MPND: variants seen among roughly 807,000 people sequenced by gnomAD.
MPND encodes MPN domain-containing protein.
In MPND, 56 loss-of-function variants were observed where a neutral mutation model predicts 59.2. The observed-to-expected ratio is 0.95, with a 90% CI of 0.76 to 1.18. The LOEUF (loss-of-function observed/expected upper bound fraction) is 1.18. Among genes scored for constraint, MPND ranks in the 50% most tolerant of loss-of-function variants. The pLI, the probability that MPND is intolerant of heterozygous loss-of-function variation, is 0.00. For synonymous variants in MPND, 323 were observed against 291.9 expected, an observed-to-expected ratio of 1.11 and a Z score of -1.09; for missense variants, 671 against 676.0, an observed-to-expected ratio of 0.99 and a Z score of 0.08.
chr19:4,343,667 G>GCGGGGC (rs1972118661), intron 1 of MPND, 41 bp from the exon 2 acceptor site: 34 of 1,199,338 alleles, frequency 2.8e-5, no homozygotes, highest in Non-Finnish European at 3.4e-5. Flanking sequence ...CTGCAGAGCC[G>GCGGGGC]TGGGGCGAGC....
At chr19:4,346,250 C>T (rs1417811598) in intron 3 of MPND, among the ~76,000 whole-genome samples, 1 of 152,070 alleles carries the variant, frequency 6.6e-6, no homozygotes. Context: ...TACGCAAAGT[C>T]ATGTAGACAA....
Position 4,359,926 on chromosome 19 carries a change from C to G in MPND, c.1430C>G (p.Ala477Gly). The stretch of plus-strand genomic sequence containing the variant: ...GCCCCCTCGTTTCAGATCTCCTTGG[C>G]CAGCAGGACGCCCAAGGACCAGAGC... ...TYLDKLKISL[A>G]SRTPKDQSLC... Residue 477 changes from alanine to glycine, a missense_variant, in exon 13 of 13, where the codon GCC (alanine) becomes GGC (glycine). By Grantham distance (60) the Ala-to-Gly change is moderately conservative (BLOSUM62 0). Transcript: ENST00000599840. 1 of 1,569,568 alleles carries G rather than the reference C, an allele frequency of 6.4e-7. No homozygotes were observed. Among genetic ancestry groups the G allele is most frequent in the Admixed American group, 1.8e-5 (1 of 54,720 alleles).
intron 2 of MPND, among the ~76,000 whole-genome samples, chr19:4,344,231 C>T (rs1972136258): frequency 6.6e-6 from 1 of 151,480 alleles, no homozygotes. Flanking sequence ...GCTCTCTTGG[C>T]TGCAGGAAGA....
chr19:4,345,687 G>A lies in MPND; in HGVS notation c.295-58G>A, dbSNP rs546418135. 2.4e-3 allele frequency: 3,688 copies of A among 1,538,682 alleles called. 7 individuals carry two copies. The highest frequency in any genetic ancestry group is 2.9e-3 in the Non-Finnish European group (3,234 of 1,117,474). ...AGCGTAGGTCTGGGGAGGACCCCCC[G>A]GGAGAGAGGGCATGGTGGGTGTTGG... On this transcript the variant is annotated intron_variant, in intron 2 of 12. Transcript: ENST00000599840.
rs144955789 is a variant in MPND, at chr19:4,357,228, C to T, written c.997-25C>T. 206 of 1,561,834 alleles carry T rather than the reference C, an allele frequency of 1.3e-4. 2 individuals are homozygous for T. In the African/African-American group the frequency reaches 2.0e-3, roughly 16 times the overall value. ...CTAGAGCCGTTCAGGCCCCTGTGCCCGCTGAGCTGCGCCTCTGTCCCCAGA... is the reference window on the plus strand; with the variant it reads ...CTAGAGCCGTTCAGGCCCCTGTGCCTGCTGAGCTGCGCCTCTGTCCCCAGA... On this transcript the variant is annotated intron_variant, in intron 8 of 12. Coordinates refer to ENST00000599840, the MANE Select transcript of MPND (RefSeq NM_001300862.2).
At position 4,344,008 on chromosome 19, in the gene MPND, C is replaced by A; in HGVS notation, c.294+14C>A. 1 of 1,308,360 alleles carries A rather than the reference C, an allele frequency of 7.6e-7. No individual in the cohort carries two copies. Among genetic ancestry groups the A allele is most frequent in the Non-Finnish European group, 9.7e-7 (1 of 1,030,544 alleles). The allele number at this position is 1,308,360 out of a possible 1,614,324, so 81.0% of individuals were successfully genotyped here. A position where few individuals can be genotyped will look rare whatever the true frequency, so the allele number is the denominator to read the frequency against. On this transcript the variant is annotated intron_variant, in intron 2 of 12. Transcript: ENST00000599840. Reference sequence around the variant, plus strand: ...ATCTACTACCTGGTGAGCACCCCGCCTCCCTCGTCCCATCGCGGCTCGGGC... The same window carrying A: ...ATCTACTACCTGGTGAGCACCCCGCATCCCTCGTCCCATCGCGGCTCGGGC...
In MPND at chr19:4,352,891, CT is replaced by C. The variant is rs780165891; in HGVS notation, c.532-5del. ...CACCGCTGTCCCTGACCCCTAACCC[CT>C]GCAGAGCCCAGCCAGTGAAGGGGAG... On this transcript the variant is annotated splice_polypyrimidine_tract_variant and splice_region_variant and intron_variant, in intron 3 of 12. Coordinates refer to ENST00000599840, the MANE Select transcript of MPND (RefSeq NM_001300862.2). 1.5e-6 allele frequency: 2 copies of C among 1,374,896 alleles called. No individual in the cohort carries two copies. Among genetic ancestry groups the C allele is most frequent in the African/African-American group, 3.0e-5 (2 of 67,178 alleles). 85.2% of individuals were successfully genotyped at this position (1,374,896 alleles called of 1,614,324 possible).
chr19:4,353,519 C>T (rs1285367988), intron 4 of MPND, among the ~76,000 whole-genome samples: 3 of 152,008 alleles, frequency 2.0e-5, no homozygotes, highest in African/African-American at 4.8e-5. Flanking sequence ...CCACCTGCCT[C>T]GGCCTCCCAA....
At position 4,352,999 on chromosome 19, in the gene MPND, G is replaced by A. The variant is rs766122862; in HGVS notation, c.634G>A (p.Gly212Arg). The A allele has an allele frequency of 5.9e-6, 8 of 1,362,924 alleles. No individual in the cohort carries two copies. Among genetic ancestry groups the A allele is most frequent in the Non-Finnish European group, 7.6e-6 (8 of 1,047,390 alleles). The allele number at this position is 1,362,924 out of a possible 1,614,324, so 84.4% of individuals were successfully genotyped here. Residue 212 changes from glycine to arginine, a missense_variant, in exon 4 of 13, where the codon GGG becomes AGG. Coordinates refer to ENST00000599840, the MANE Select transcript of MPND (RefSeq NM_001300862.2). ...AGAGGACAAGAGTCGGAGACCACTG[G>A]GGAAGAGCCCTTCAGAGCCTGCCCA... Reference protein sequence around the residue: ...SAEDKSRRPLGKSPSEPAHPE... With the variant: ...SAEDKSRRPLRKSPSEPAHPE...
At chr19:4,347,727 G>C (rs1972217406) in intron 3 of MPND, 2 of 773,472 alleles carry the variant, frequency 2.6e-6, no homozygotes, top group Non-Finnish European at 4.0e-6. Flanking sequence ...TTAAGCTTCA[G>C]TGAGCCACAA....
intron 4 of MPND, 90 bp from the exon 5 acceptor site, chr19:4,353,955 A>T: frequency 1.8e-6 from 2 of 1,113,230 alleles, no homozygotes; most frequent in Non-Finnish European, 2.7e-6. Context: ...CAGCACTGGG[A>T]TTATAGGCAT....
In MPND at chr19:4,354,924, C is replaced by G. The variant is rs113205784; in HGVS notation, c.847-25C>G. On this transcript the variant is annotated intron_variant, in intron 6 of 12. Coordinates refer to ENST00000599840, the MANE Select transcript of MPND (RefSeq NM_001300862.2). ...GGGCAGGGCCACAGCCTGAGCCAGT[C>G]TTTTGCTGTTCCTCCCTTCCCCAGG... 2.3e-4 allele frequency: 356 copies of G among 1,566,944 alleles called. 1 individual carries two copies. The African/African-American group carries it at 4.5e-3, about 20-fold the overall frequency.
Position 4,354,440 on chromosome 19 carries a change from T to C in MPND, c.846+20T>C. The C allele has an allele frequency of 6.5e-7, 1 of 1,549,900 alleles. No homozygotes were observed. The highest frequency in any genetic ancestry group is 1.2e-5 in the South Asian group (1 of 84,080). ...CTGCTGGTGTGTGGCCCACCCTGTCTAGGGGCAAGGGGCTCCGGAGCCCAG... is the reference window on the plus strand; with the variant it reads ...CTGCTGGTGTGTGGCCCACCCTGTCCAGGGGCAAGGGGCTCCGGAGCCCAG... On this transcript the variant is annotated intron_variant, in intron 6 of 12. Coordinates refer to ENST00000599840, the MANE Select transcript of MPND (RefSeq NM_001300862.2).
In MPND at chr19:4,343,896, C is replaced by T. The variant is rs1239586088; in HGVS notation, c.196C>T (p.Pro66Ser). 3 of 1,254,810 alleles carry T rather than the reference C, an allele frequency of 2.4e-6. No homozygotes were observed. Among genetic ancestry groups the T allele is most frequent in the African/African-American group, 3.1e-5 (2 of 64,164 alleles). The allele number at this position is 1,254,810 out of a possible 1,614,324, so 77.7% of individuals were successfully genotyped here. Residue 66 changes from proline (P) to serine (S), a missense_variant, in exon 2 of 13, where the codon CCC (proline) becomes TCC (serine). By Grantham distance (74) the Pro-to-Ser change is moderately conservative (BLOSUM62 -1). Transcript: ENST00000599840. Reference protein sequence around the residue: ...GGAGAGGCGGPGGALTRRAVT... With the variant: ...GGAGAGGCGGSGGALTRRAVT... ...GGCCGGGGCGGGGGGCTGCGGCGGGCCCGGGGGCGCGCTCACCAGGCGCGC... is the reference window on the plus strand; with the variant it reads ...GGCCGGGGCGGGGGGCTGCGGCGGGTCCGGGGGCGCGCTCACCAGGCGCGC...
At chr19:4,350,318 T>G (rs1399623859) in intron 3 of MPND, among the ~76,000 whole-genome samples, 5 of 151,592 alleles carry the variant, frequency 3.3e-5, no homozygotes, top group African/African-American at 1.2e-4. Flanking sequence ...CAGGGCTCTG[T>G]AGGTTATGGG....
chr19:4,359,283 T>G, intron 12 of MPND, 28 bp downstream of exon 12: 15 of 1,580,112 alleles, frequency 9.5e-6, no homozygotes, highest in Non-Finnish European at 1.2e-5. Flanking sequence ...GCAGACCTCC[T>G]AACGGGGCCC....
Position 4,355,169 on chromosome 19 carries a change from A to T in MPND, c.992A>T (p.Glu331Val). ...GCAGAGACTGCAGCTGCCATCGAAG[A>T]GGAGGTGAGGGGCTACCTGGGAGGT... is the stretch of plus-strand genomic sequence containing the variant. ...GDAETAAAIE[E>V]EIYQSLFLRG... Residue 331 changes from glutamate to valine, a missense_variant, in exon 8 of 13, where the codon GAG (glutamate) becomes GTG (valine). Physicochemically the swap from Glu to Val is moderately radical, Grantham distance 121. Transcript: ENST00000599840. The T allele has an allele frequency of 6.2e-7, 1 of 1,612,632 alleles. No individual in the cohort carries two copies. Among genetic ancestry groups the T allele is most frequent in the Non-Finnish European group, 8.5e-7 (1 of 1,179,908 alleles).
chr19:4,343,915 G>A lies in MPND; in HGVS notation c.215G>A (p.Arg72Lys). 7.7e-7 allele frequency: 1 copy of A among 1,293,534 alleles called. No homozygotes were observed. Among genetic ancestry groups the A allele is most frequent in the Non-Finnish European group, 9.8e-7 (1 of 1,023,222 alleles). The allele number at this position is 1,293,534 out of a possible 1,614,324, so 80.1% of individuals were successfully genotyped here. ...GCGGPGGALT[R>K]RAVTLRVLLK... ...GGCGGGCCCGGGGGCGCGCTCACCA[G>A]GCGCGCGGTCACACTGCGGGTGCTC... The change falls in exon 2 of 13, where the codon AGG becomes AAG. Residue 72 changes from arginine to lysine, a missense_variant. Arg to Lys is a conservative substitution (Grantham distance 26, BLOSUM62 2). Transcript: ENST00000599840.
chr19:4,357,724 A>G, intron 10 of MPND, 139 bp downstream of exon 10: 4 of 806,200 alleles, frequency 5.0e-6, no homozygotes, highest in Non-Finnish European at 7.8e-6. Flanking sequence ...TGGGGACGTG[A>G]CTGCTGCCCT....
Sources: gnomAD v4.1 joint callset for allele counts (sites outside exome capture counted in the v4.1 genomes callset) on GRCh38, gnomAD v4.1.1 for gene constraint, MANE v1.5 for transcripts, NCBI Gene and HGNC (gene_info 2026-07-23, HGNC 2026-07-21) for gene names.